The following ECM2 variants were observed in gnomAD, a reference collection of about 807,000 sequenced individuals.
The protein encoded by ECM2 is extracellular matrix protein 2, female organ and adipocyte specific.
ECM2 carries 57 observed loss-of-function variants against 67.5 expected under a neutral mutation model. That is an observed-to-expected ratio of 0.84 (90% CI 0.68 to 1.05). The LOEUF (loss-of-function observed/expected upper bound fraction) is 1.05, where lower values mean the gene tolerates loss of function less well. Ranked by LOEUF, ECM2 falls within the 50% of genes least tolerant of loss-of-function variation. The pLI, the probability that ECM2 is intolerant of heterozygous loss-of-function variation, is 0.00. For missense variants in ECM2, 741 were observed against 822.8 expected (o/e 0.90, Z 1.22); for synonymous variants, 258 against 294.5 (o/e 0.88, Z 1.27).
At chr9:92,534,188 T>G (rs2131295091) in intron 1 of ECM2, among the ~76,000 whole-genome samples, 1 of 152,320 alleles carries the variant, frequency 6.6e-6, no homozygotes, top group East Asian at 1.9e-4. Flanking sequence ...CACCAGGAGC[T>G]CCCCTTTTTA....
At chr9:92,518,051 C>T (rs1389333832) in intron 2 of ECM2, among the ~76,000 whole-genome samples, 176 bp from the exon 3 acceptor site, 2 of 152,206 alleles carry the variant, frequency 1.3e-5, no homozygotes, top group Non-Finnish European at 2.9e-5. Context: ...AAATGCTTTT[C>T]ACAGGCTCTC....
At chr9:92,528,485 T>C (rs1848549402) in intron 1 of ECM2, among the ~76,000 whole-genome samples, 1 of 152,148 alleles carries the variant, frequency 6.6e-6, no homozygotes, top group Non-Finnish European at 1.5e-5. Context: ...AGCACATGTA[T>C]GTAAGTAAAC....
intron 6 of ECM2, 52 bp downstream of exon 6, chr9:92,509,846 TA>T: frequency 6.5e-7 from 1 of 1,535,188 alleles, no homozygotes; most frequent in Non-Finnish European, 8.7e-7. Context: ...TCTACAGGAC[TA>T]TATAGGAAAG....
At chr9:92,524,085 A>G (rs1046746555) in intron 1 of ECM2, among the ~76,000 whole-genome samples, 2 of 152,038 alleles carry the variant, frequency 1.3e-5, no homozygotes, top group Non-Finnish European at 2.9e-5. Context: ...TACTTGGGAG[A>G]TTTCTCTCCA....
chr9:92,501,317 ATATCCC>A (rs988497368), intron 8 of ECM2, among the ~76,000 whole-genome samples: 3 of 152,152 alleles, frequency 2.0e-5, no homozygotes, highest in Non-Finnish European at 4.4e-5. Context: ...GGAAAAACTC[ATATCCC>A]TAGAGGCAAT....
the ECM2 span, among the ~76,000 whole-genome samples, chr9:92,544,353 G>C: frequency 1.3e-5 from 2 of 152,116 alleles, no homozygotes; most frequent in Non-Finnish European, 2.9e-5. Flanking sequence ...GCACATGCCT[G>C]TAAACCCAGC....
Position 92,500,735 on chromosome 9 carries a change from G to C in ECM2, c.1923C>G (p.Asn641Lys), listed in dbSNP as rs775779497. 3.7e-6 allele frequency: 6 copies of C among 1,608,710 alleles called. No individual in the cohort carries two copies. The South Asian group carries it at 6.6e-5, about 18-fold the overall frequency. Residue 641 changes from asparagine to lysine, a missense_variant, in exon 9 of 10, where the codon AAC becomes AAG. Transcript: ENST00000344604. ...AAAAAGCCAAAATTTACCGTATCTT[G>C]TTGTTGTTCAGCCTCAGAAAATGTA... ...KALHFLRLNN[N>K]KIRNILPEEI...
chr9:92,501,542 TGAGGC>T (rs1846677711), intron 8 of ECM2, among the ~76,000 whole-genome samples: 1 of 152,184 alleles, frequency 6.6e-6, no homozygotes, highest in Non-Finnish European at 1.5e-5. Context: ...ACCTGGGACT[TGAGGC>T]GAGCCTGAGG....
chr9:92,515,279 AG>A lies in ECM2; in HGVS notation c.482-77del, dbSNP rs1437065250. 11 of 1,385,276 alleles carry A rather than the reference AG, an allele frequency of 7.9e-6. No individual in the cohort carries two copies. The African/African-American group carries it at 1.6e-4, about 20-fold the overall frequency. 85.8% of individuals were successfully genotyped at this position (1,385,276 alleles called of 1,614,324 possible). A position where few individuals can be genotyped will look rare whatever the true frequency, so the allele number is the denominator to read the frequency against. On this transcript the variant is annotated intron_variant, in intron 3 of 9. Transcript: ENST00000344604. ...AAAAGAAAAAACCATAATGAAAATG[AG>A]GTTAGTAAATATTATTCCCTCCAAG...
chr9:92,554,783 G>A, the ECM2 span, among the ~76,000 whole-genome samples: 2 of 151,914 alleles, frequency 1.3e-5, no homozygotes, highest in African/African-American at 2.4e-5. Context: ...GACTACAGGC[G>A]CCTGCCACTG....
At chr9:92,536,490 C>T (rs1446365524), upstream of ECM2, 4 of 152,986 alleles carry the variant, frequency 2.6e-5, no homozygotes, top group Admixed American at 6.5e-5. Flanking sequence ...ACTAACAAAA[C>T]GACAACAACA....
the ECM2 span, among the ~76,000 whole-genome samples, chr9:92,546,047 G>T: frequency 6.6e-6 from 1 of 151,832 alleles, no homozygotes; most frequent in Non-Finnish European, 1.5e-5. Flanking sequence ...TCTAGCTCAG[G>T]GTTTGCAAAT....
chr9:92,502,846 T>C (rs230223), intron 7 of ECM2, among the ~76,000 whole-genome samples, 194 bp from the exon 8 acceptor site: 128,457 of 144,452 alleles, frequency 0.89, 57,307 homozygotes, highest in East Asian at 0.95. Flanking sequence ...CTCACTTTGT[T>C]ACGCAGGATG....
intron 1 of ECM2, among the ~76,000 whole-genome samples, chr9:92,529,271 TACC>T (rs1373141513): frequency 2.6e-5 from 4 of 152,212 alleles, no homozygotes; most frequent in Admixed American, 6.5e-5. Context: ...TCTACATACC[TACC>T]AAATGTCTAA....
chr9:92,522,088 GTTTTGTTTTT>G (rs1848104235), intron 2 of ECM2, among the ~76,000 whole-genome samples: 1 of 151,780 alleles, frequency 6.6e-6, no homozygotes, highest in Non-Finnish European at 1.5e-5. Context: ...GTTTTGTTTT[GTTTTGTTTTT>G]AATCTCGAGA....
At chr9:92,546,684 C>T in the ECM2 span, among the ~76,000 whole-genome samples, 40 of 152,288 alleles carry the variant, frequency 2.6e-4, no homozygotes, top group African/African-American at 7.5e-4. Context: ...TGAGGGTCCG[C>T]GGCTTCATTC....
chr9:92,539,551 C>T (rs1849269419), upstream of ECM2, among the ~76,000 whole-genome samples: 1 of 152,000 alleles, frequency 6.6e-6, no homozygotes. Flanking sequence ...TAAGTATAGC[C>T]TACTTACTAA....
At chr9:92,526,297 GAA>G (rs1445920308) in intron 1 of ECM2, among the ~76,000 whole-genome samples, 20 of 152,124 alleles carry the variant, frequency 1.3e-4, no homozygotes, top group African/African-American at 4.6e-4. Flanking sequence ...TATAAAGAAA[GAA>G]AATATTTTTG....
the ECM2 span, among the ~76,000 whole-genome samples, chr9:92,559,041 C>A: frequency 6.6e-6 from 1 of 152,116 alleles, no homozygotes; most frequent in Non-Finnish European, 1.5e-5. Flanking sequence ...AAAACTTACC[C>A]GAGGCTGTCC....
Sources: allele counts gnomAD v4.1 joint callset (sites outside exome capture counted in the v4.1 genomes callset), GRCh38; gene constraint gnomAD v4.1.1; transcripts MANE v1.5; gene names NCBI Gene and HGNC (gene_info 2026-07-23, HGNC 2026-07-21).